The following CDH18 variants were observed in gnomAD, a reference collection of about 807,000 sequenced individuals.
CDH18 encodes the protein cadherin-18.
A neutral mutation model predicts 67.9 loss-of-function variants in CDH18; 31 were observed. The ratio of observed to expected loss-of-function variants is 0.46; its 90% CI spans 0.34 to 0.62. CDH18 has a LOEUF of 0.62. Among genes scored for constraint, CDH18 ranks in the 20% least tolerant of loss-of-function variants. CDH18 has a pLI of 0.01. For synonymous variants in CDH18, 362 were observed against 347.2 expected (o/e 1.04, Z -0.48); for missense variants, 890 against 975.5 (o/e 0.91, Z 1.17).
intron 1 of CDH18, among the ~76,000 whole-genome samples, chr5:19,985,099 A>T (rs1799427602): frequency 6.6e-6 from 1 of 152,140 alleles, no homozygotes; most frequent in Admixed American, 6.5e-5. Context: ...CTCAACATTT[A>T]TACTATCTCT....
At chr5:20,317,305 T>C (rs1737563835) in intron 1 of CDH18, among the ~76,000 whole-genome samples, 1 of 152,090 alleles carries the variant, frequency 6.6e-6, no homozygotes, top group African/African-American at 2.4e-5. Context: ...CAATTTCATA[T>C]TCTTTGACTT....
chr5:20,470,201 A>C (rs1751948717), intron 1 of CDH18, among the ~76,000 whole-genome samples: 1 of 152,036 alleles, frequency 6.6e-6, no homozygotes, highest in Non-Finnish European at 1.5e-5. Flanking sequence ...TCTTCCATCA[A>C]AATCAAGCAT....
chr5:19,579,013 C>T (rs1284007089), intron 7 of CDH18, among the ~76,000 whole-genome samples: 1 of 151,900 alleles, frequency 6.6e-6, no homozygotes, highest in Non-Finnish European at 1.5e-5. Flanking sequence ...GTCAGTTTTA[C>T]TAAATATTCT....
intron 8 of CDH18, among the ~76,000 whole-genome samples, chr5:19,545,009 G>C (rs1420196633): frequency 6.6e-6 from 1 of 151,808 alleles, no homozygotes; most frequent in Non-Finnish European, 1.5e-5. Context: ...TTGGAGTTAT[G>C]TGTTATTTAG....
At chr5:19,578,711 T>C (rs544637373) in intron 7 of CDH18, among the ~76,000 whole-genome samples, 4 of 152,160 alleles carry the variant, frequency 2.6e-5, no homozygotes, top group African/African-American at 9.6e-5. Flanking sequence ...CAAGTATACT[T>C]TCAGAAGCAC....
chr5:20,147,273 C>T (rs4348219), intron 2 of CDH18, among the ~76,000 whole-genome samples: 127,259 of 151,998 alleles, frequency 0.84, 54,504 homozygotes, highest in Middle Eastern at 0.93. Context: ...TCCTTATTTT[C>T]TGCTTGGAAT....
chr5:20,273,943 T>G (rs2126674319), intron 1 of CDH18, among the ~76,000 whole-genome samples: 1 of 152,230 alleles, frequency 6.6e-6, no homozygotes. Flanking sequence ...TGTAAATAAG[T>G]TAAGATGATT....
intron 9 of CDH18, among the ~76,000 whole-genome samples, chr5:19,533,878 G>A (rs1285187218): frequency 6.6e-6 from 1 of 152,118 alleles, no homozygotes; most frequent in Non-Finnish European, 1.5e-5. Flanking sequence ...TACAATACAT[G>A]TAAAGAAATT....
chr5:19,719,001 G>T (rs1765676636), intron 5 of CDH18, among the ~76,000 whole-genome samples: 1 of 151,930 alleles, frequency 6.6e-6, no homozygotes, highest in Admixed American at 6.6e-5. Flanking sequence ...AACTACAGCA[G>T]TCCAACACTA....
intron 1 of CDH18, among the ~76,000 whole-genome samples, chr5:20,302,110 T>C (rs1735989529): frequency 6.6e-6 from 1 of 152,146 alleles, no homozygotes; most frequent in Non-Finnish European, 1.5e-5. Flanking sequence ...TAACAAAATA[T>C]ACACCTTGCT....
At chr5:19,761,920 C>G (rs1581234310) in intron 3 of CDH18, among the ~76,000 whole-genome samples, 1 of 152,056 alleles carries the variant, frequency 6.6e-6, no homozygotes, top group East Asian at 1.9e-4. Flanking sequence ...CAGAACAGAG[C>G]CCTCAGAAAT....
intron 2 of CDH18, among the ~76,000 whole-genome samples, chr5:20,105,411 C>T (rs917986731): frequency 2.1e-4 from 32 of 152,234 alleles, no homozygotes; most frequent in Admixed American, 2.6e-4. Flanking sequence ...ATGTTGTACA[C>T]GTAATATTTC....
At chr5:19,971,118 A>G (rs1272686170) in intron 2 of CDH18, among the ~76,000 whole-genome samples, 2 of 152,092 alleles carry the variant, frequency 1.3e-5, no homozygotes, top group East Asian at 3.9e-4. Context: ...TTTTAACCCT[A>G]ATTAAAGCAA....
At chr5:20,219,062 T>TA (rs1219021335) in intron 2 of CDH18, among the ~76,000 whole-genome samples, 3 of 150,074 alleles carry the variant, frequency 2.0e-5, no homozygotes, top group Non-Finnish European at 3.0e-5. Flanking sequence ...ATCAATGAAA[T>TA]AAAAAGCTGT....
At chr5:20,378,867 A>G (rs1743677014) in intron 1 of CDH18, among the ~76,000 whole-genome samples, 1 of 152,138 alleles carries the variant, frequency 6.6e-6, no homozygotes. Flanking sequence ...AGGGGTTGCA[A>G]TAACTTTGCA....
chr5:20,475,808 G>C (rs2244260), intron 1 of CDH18, among the ~76,000 whole-genome samples: 142,313 of 152,202 alleles, frequency 0.94, 66,792 homozygotes, highest in South Asian at 0.98. Context: ...GGGAAAATAA[G>C]ATGCTTTGGG....
chr5:20,524,049 G>T (rs1755902392), intron 1 of CDH18, among the ~76,000 whole-genome samples: 1 of 152,174 alleles, frequency 6.6e-6, no homozygotes, highest in South Asian at 2.1e-4. Flanking sequence ...AATTTTTATT[G>T]TATTTTATCC....
intron 2 of CDH18, among the ~76,000 whole-genome samples, chr5:20,242,622 A>ATATACATGTATTATATATATG (rs1561905984): frequency 9.3e-6 from 1 of 106,968 alleles, no homozygotes; most frequent in Non-Finnish European, 1.8e-5. Flanking sequence ...ATATATATAT[A>ATATACATGTATTATATATATG]TATATATATA....
At chr5:20,442,648 C>CA (rs1334291168) in intron 1 of CDH18, among the ~76,000 whole-genome samples, 1 of 151,800 alleles carries the variant, frequency 6.6e-6, no homozygotes, top group African/African-American at 2.4e-5. Context: ...CAAAACAAAA[C>CA]AAAAACTAAA....
Sources: allele counts gnomAD v4.1 joint callset (sites outside exome capture counted in the v4.1 genomes callset), GRCh38; gene constraint gnomAD v4.1.1; transcripts MANE v1.5; gene names NCBI Gene and HGNC (gene_info 2026-07-23, HGNC 2026-07-21).